DLGAP2: variants seen among roughly 807,000 people sequenced by gnomAD.
DLGAP2 encodes disks large-associated protein 2.
A neutral mutation model predicts 100.3 loss-of-function variants in DLGAP2; 26 were observed. That is an observed-to-expected ratio of 0.26 (90% CI 0.19 to 0.36). The LOEUF is 0.36. Among genes scored for constraint, DLGAP2 ranks in the 10% least tolerant of loss-of-function variants. The probability of loss-of-function intolerance (pLI) is 1.00; values close to 1 mark genes in which losing one functional copy is unlikely to be tolerated. For missense variants in DLGAP2, 1,858 were observed against 1,453.2 expected (o/e 1.28, Z -4.53); for synonymous variants, 886 against 630.1 (o/e 1.41, Z -6.08).
chr8:1,390,270 G>T (rs185114933), intron 3 of DLGAP2, among the ~76,000 whole-genome samples: 2 of 152,152 alleles, frequency 1.3e-5, no homozygotes, highest in South Asian at 4.1e-4. Flanking sequence ...TCCAGAAGGC[G>T]CAGAAATGTG....
At chr8:1,202,720 C>T (rs757777829) in intron 2 of DLGAP2, among the ~76,000 whole-genome samples, 23 of 152,156 alleles carry the variant, frequency 1.5e-4, no homozygotes, top group Non-Finnish European at 2.4e-4. Context: ...CCAACGCTTC[C>T]TCCTCAGTCT....
At chr8:1,051,988 C>A (rs1405817820) in intron 2 of DLGAP2, among the ~76,000 whole-genome samples, 1 of 152,190 alleles carries the variant, frequency 6.6e-6, no homozygotes, top group Non-Finnish European at 1.5e-5. Flanking sequence ...GCCACCTGCC[C>A]ACATTCTACC....
chr8:1,564,528 C>T (rs1316385548), intron 5 of DLGAP2, among the ~76,000 whole-genome samples: 1 of 152,202 alleles, frequency 6.6e-6, no homozygotes, highest in African/African-American at 2.4e-5. Context: ...GGGCTCTCAG[C>T]TCTGTGCAAG....
At chr8:1,667,392 C>G (rs61332183) in intron 8 of DLGAP2, among the ~76,000 whole-genome samples, 1 of 152,062 alleles carries the variant, frequency 6.6e-6, no homozygotes, top group South Asian at 2.1e-4. Flanking sequence ...CCATGCAACT[C>G]GAGTTTGGGA....
intron 2 of DLGAP2, among the ~76,000 whole-genome samples, chr8:1,134,438 C>A (rs1796361545): frequency 6.6e-6 from 1 of 152,164 alleles, no homozygotes; most frequent in South Asian, 2.1e-4. Context: ...GAGTAATTTA[C>A]ACTCCCACCA....
rs78864675 is a variant in DLGAP2 at position 1,178,524 on chromosome 8, C to G, written c.74-80327C>G. 8.6e-3 allele frequency among the ~76,000 whole-genome samples: 1,314 copies of G among 152,282 alleles called. 12 individuals are homozygous for G. The highest frequency in any genetic ancestry group is 0.012 in the Non-Finnish European group (850 of 68,032). On this transcript the variant is annotated intron_variant, in intron 2 of 14. Transcript: ENST00000637795. ...TATCAAGTAACGTTGACAAACACAGCACTTGGTTTCAACTGGGATTTAACG... is the reference window on the plus strand; with the variant it reads ...TATCAAGTAACGTTGACAAACACAGGACTTGGTTTCAACTGGGATTTAACG...
rs796269081 is a variant in DLGAP2 at position 1,584,386 on chromosome 8, C to G, written c.1442+18492C>G. Among the ~76,000 whole-genome samples the G allele has an allele frequency of 9.2e-5, 14 of 152,326 alleles. 1 individual carries two copies. Among genetic ancestry groups the G allele is most frequent in the African/African-American group, 3.4e-4 (14 of 41,572 alleles). ...AAACGGGAGCAGACGCCAGACTCCT[C>G]GTGCATGCCACACACCTGCAACCTG... is the stretch of plus-strand genomic sequence containing the variant. On this transcript the variant is annotated intron_variant, in intron 6 of 14. Coordinates refer to ENST00000637795, the MANE Select transcript of DLGAP2 (RefSeq NM_001346810.2).
At chr8:767,824 T>C (rs1821254813) in intron 1 of DLGAP2, among the ~76,000 whole-genome samples, 1 of 152,188 alleles carries the variant, frequency 6.6e-6, no homozygotes, top group East Asian at 1.9e-4. Context: ...TAGCAACTGA[T>C]AGCAAGGTTT....
In DLGAP2 at chr8:791,114, A is replaced by T. The variant is rs535047926; in HGVS notation, c.18+53289A>T. Among the ~76,000 whole-genome samples, 9 of 152,340 alleles carry T rather than the reference A, an allele frequency of 5.9e-5. No individual in the cohort carries two copies. The South Asian group carries it at 1.9e-3, about 32-fold the overall frequency. On this transcript the variant is annotated intron_variant, in intron 1 of 14. Transcript: ENST00000637795. ...TGTAATTGTTTTTCTTATTTGCTTA[A>T]TTTTTCCCCGAATTTTAAAAATAAT... is the stretch of plus-strand genomic sequence containing the variant.
chr8:1,618,127 A>G (rs1164156583), intron 6 of DLGAP2, among the ~76,000 whole-genome samples: 1 of 152,214 alleles, frequency 6.6e-6, no homozygotes, highest in African/African-American at 2.4e-5. Flanking sequence ...ACAAGAAGAG[A>G]AAAAGCACGA....
rs1008027701 is a variant in DLGAP2 at position 1,031,919 on chromosome 8, C to G, written c.73+123953C>G. 5.3e-5 allele frequency among the ~76,000 whole-genome samples: 8 copies of G among 152,160 alleles called. No homozygotes were observed. In the South Asian group the frequency reaches 8.3e-4, roughly 16 times the overall value. Reference sequence around the variant, plus strand: ...CTACGCTGGTCTCTCAGATCTGGATCTTTGGTCCTGAACAAGCGAGTCTGT... The same window carrying G: ...CTACGCTGGTCTCTCAGATCTGGATGTTTGGTCCTGAACAAGCGAGTCTGT... On this transcript the variant is annotated intron_variant, in intron 2 of 14. Coordinates refer to ENST00000637795, the MANE Select transcript of DLGAP2 (RefSeq NM_001346810.2).
chr8:1,005,863 C>G (rs370901703), intron 2 of DLGAP2, among the ~76,000 whole-genome samples: 7 of 152,088 alleles, frequency 4.6e-5, no homozygotes, highest in African/African-American at 1.7e-4. Context: ...CTCCAGATGT[C>G]CCATGACTGG....
chr8:1,512,923 A>C (rs1248178803), intron 4 of DLGAP2, among the ~76,000 whole-genome samples: 5 of 152,264 alleles, frequency 3.3e-5, no homozygotes, highest in African/African-American at 1.2e-4. Context: ...CTGTGTGTGC[A>C]CGTTGGTGTC....
At chr8:1,339,110 G>A (rs1471629952) in intron 3 of DLGAP2, among the ~76,000 whole-genome samples, 4 of 150,952 alleles carry the variant, frequency 2.6e-5, no homozygotes, top group African/African-American at 9.7e-5. Context: ...GTGGCGTCAG[G>A]ACCCGGGAGG....
chr8:1,169,071 A>T (rs1218724719), intron 2 of DLGAP2, among the ~76,000 whole-genome samples: 1 of 148,626 alleles, frequency 6.7e-6, no homozygotes, highest in Non-Finnish European at 1.5e-5. Context: ...AGGTGTAAGG[A>T]AGGGATCCAG....
At chr8:751,456 G>C (rs1178723388) in intron 1 of DLGAP2, among the ~76,000 whole-genome samples, 1 of 152,236 alleles carries the variant, frequency 6.6e-6, no homozygotes, top group African/African-American at 2.4e-5. Flanking sequence ...TCGTGACTCT[G>C]TGACCAGGCC....
At chr8:1,467,520 TG>T (rs1308679017) in intron 3 of DLGAP2, among the ~76,000 whole-genome samples, 1 of 151,936 alleles carries the variant, frequency 6.6e-6, no homozygotes, top group African/African-American at 2.4e-5. Flanking sequence ...CCCATTACCT[TG>T]GCAGAGCCCA....
chr8:990,021 G>A (rs1179718148), intron 2 of DLGAP2, among the ~76,000 whole-genome samples: 1 of 152,026 alleles, frequency 6.6e-6, no homozygotes, highest in Non-Finnish European at 1.5e-5. Context: ...CCAACCTCCT[G>A]GACCACTGTG....
intron 8 of DLGAP2, among the ~76,000 whole-genome samples, chr8:1,660,508 C>G (rs183922169): frequency 5.6e-4 from 85 of 152,324 alleles, no homozygotes; most frequent in African/African-American, 1.9e-3. Flanking sequence ...ACAGATCCCC[C>G]TTGACCTCTG....
Sources: gnomAD v4.1 joint callset for allele counts (sites outside exome capture counted in the v4.1 genomes callset) on GRCh38, gnomAD v4.1.1 for gene constraint, MANE v1.5 for transcripts, NCBI Gene and HGNC (gene_info 2026-07-23, HGNC 2026-07-21) for gene names.